Variants in SPOCK3 observed in about 807,000 individuals in gnomAD.
The protein encoded by SPOCK3 is SPARC (osteonectin), cwcv and kazal like domains proteoglycan 3.
Under a neutral mutation model 56.6 loss-of-function variants are expected in SPOCK3, and 30 were observed. The ratio of observed to expected loss-of-function variants is 0.53; its 90% CI spans 0.40 to 0.72. SPOCK3 has a LOEUF of 0.72. Among genes scored for constraint, SPOCK3 ranks in the 30% least tolerant of loss-of-function variants. The probability of loss-of-function intolerance (pLI) is 0.00; values close to 1 mark genes in which losing one functional copy is unlikely to be tolerated. For synonymous variants in SPOCK3, 196 were observed against 183.3 expected, an observed-to-expected ratio of 1.07 and a Z score of -0.56; for missense variants, 527 against 530.0, an observed-to-expected ratio of 0.99 and a Z score of 0.06.
At chr4:167,198,238 T>C (rs998226492) in intron 2 of SPOCK3, among the ~76,000 whole-genome samples, 9 of 152,150 alleles carry the variant, frequency 5.9e-5, no homozygotes, top group Non-Finnish European at 7.4e-5. Flanking sequence ...AAACTTCTTG[T>C]TGCTTAGTAT....
At chr4:166,840,765 G>A (rs1342055351) in intron 6 of SPOCK3, among the ~76,000 whole-genome samples, 3 of 111,128 alleles carry the variant, frequency 2.7e-5, no homozygotes, top group Admixed American at 1.8e-4. Flanking sequence ...CTTCCCAGAA[G>A]CAAAAGTTTT....
intron 4 of SPOCK3, among the ~76,000 whole-genome samples, chr4:166,991,279 T>A (rs1166561517): frequency 6.6e-6 from 1 of 152,074 alleles, no homozygotes; most frequent in African/African-American, 2.4e-5. Flanking sequence ...CCTCCATTAT[T>A]AAAGGCACAC....
intron 4 of SPOCK3, among the ~76,000 whole-genome samples, chr4:166,917,669 T>C (rs767647131): frequency 3.9e-5 from 6 of 152,174 alleles, no homozygotes; most frequent in Non-Finnish European, 5.9e-5. Flanking sequence ...CTCATGGTTT[T>C]ATAAGTGTTT....
intron 2 of SPOCK3, among the ~76,000 whole-genome samples, chr4:167,174,410 C>T (rs564444690): frequency 6.7e-6 from 1 of 150,084 alleles, no homozygotes; most frequent in South Asian, 2.1e-4. Context: ...GTTATACATA[C>T]ACTACAGATT....
At chr4:167,153,583 T>C (rs1037585756) in intron 2 of SPOCK3, among the ~76,000 whole-genome samples, 4 of 152,194 alleles carry the variant, frequency 2.6e-5, no homozygotes, top group African/African-American at 9.7e-5. Flanking sequence ...CAAATATAGA[T>C]CATTTTTATT....
intron 7 of SPOCK3, among the ~76,000 whole-genome samples, chr4:166,777,312 T>TTAGGTAAAATGCAA (rs1327945718): frequency 1.3e-5 from 2 of 152,180 alleles, no homozygotes; most frequent in Non-Finnish European, 2.9e-5. Context: ...CATTCCCAAG[T>TTAGGTAAAATGCAA]TAGGTAAAAT....
intron 2 of SPOCK3, among the ~76,000 whole-genome samples, chr4:167,174,148 C>T (rs1045699589): frequency 2.0e-5 from 3 of 151,940 alleles, no homozygotes; most frequent in African/African-American, 7.2e-5. Flanking sequence ...CCAAATAAAA[C>T]ATACAACTAT....
chr4:166,906,897 G>A (rs1736681651), intron 5 of SPOCK3, among the ~76,000 whole-genome samples: 1 of 151,896 alleles, frequency 6.6e-6, no homozygotes, highest in Non-Finnish European at 1.5e-5. Context: ...ATGGGCTCTG[G>A]ACTTAGCTGA....
chr4:166,854,615 A>G (rs951085417), intron 6 of SPOCK3, among the ~76,000 whole-genome samples: 1 of 152,212 alleles, frequency 6.6e-6, no homozygotes, highest in Non-Finnish European at 1.5e-5. Context: ...TTAAGAATTT[A>G]ATTACTGAAA....
chr4:166,924,017 G>C (rs1364455480), intron 4 of SPOCK3, among the ~76,000 whole-genome samples: 1 of 152,176 alleles, frequency 6.6e-6, no homozygotes, highest in African/African-American at 2.4e-5. Flanking sequence ...AAAGCTGAAA[G>C]AAAGTAGTGG....
At chr4:166,783,763 G>A (rs1426716436) in intron 7 of SPOCK3, among the ~76,000 whole-genome samples, 2 of 151,682 alleles carry the variant, frequency 1.3e-5, no homozygotes, top group Non-Finnish European at 2.9e-5. Context: ...TTTTTCTATT[G>A]GTTTTAACTA....
rs535725142 is a variant in SPOCK3 at position 167,131,809 on chromosome 4, C to T, written c.190-69272G>A. Among the ~76,000 whole-genome samples the T allele has an allele frequency of 3.3e-5, 5 of 152,164 alleles. 1 individual carries two copies. The Middle Eastern group carries it at 0.01, about 311-fold the overall frequency. ...AAAAGCTTGAATAGAATTTTTTTAA[C>T]GCTGCAAGAGAAATTATGAGAAACA... On this transcript the variant is annotated intron_variant, in intron 2 of 10. Coordinates refer to ENST00000357545, the MANE Select transcript of SPOCK3 (RefSeq NM_001040159.2).
At chr4:166,908,309 CA>C (rs1393775052) in intron 5 of SPOCK3, among the ~76,000 whole-genome samples, 6 of 139,940 alleles carry the variant, frequency 4.3e-5, no homozygotes, top group Admixed American at 7.2e-5. Flanking sequence ...CACACACACA[CA>C]CCCCTACCTT....
rs1482458459 is a variant in SPOCK3 at position 166,754,725 on chromosome 4, G to T, written c.714C>A (p.Phe238Leu). 7 of 1,612,652 alleles carry T rather than the reference G, an allele frequency of 4.3e-6. No individual in the cohort carries two copies. The highest frequency in any genetic ancestry group is 5.9e-6 in the Non-Finnish European group (7 of 1,179,314). ...TGCAAATTGGCAAGATGCTGGTATCGAATCCTAAAGGCAAAAAAAAGAAAA... is the reference window on the plus strand; with the variant it reads ...TGCAAATTGGCAAGATGCTGGTATCTAATCCTAAAGGCAAAAAAAAGAAAA... Reference protein sequence around the residue: ...KTLLRPERSRFDTSILPICKD... With the variant: ...KTLLRPERSRLDTSILPICKD... The change falls in exon 8 of 11, where the codon TTC becomes TTA. Residue 238 changes from phenylalanine (F) to leucine (L), a missense_variant. Coordinates refer to ENST00000357545, the MANE Select transcript of SPOCK3 (RefSeq NM_001040159.2).
At chr4:166,956,121 C>T (rs1743432974) in intron 4 of SPOCK3, among the ~76,000 whole-genome samples, 1 of 152,050 alleles carries the variant, frequency 6.6e-6, no homozygotes, top group African/African-American at 2.4e-5. Flanking sequence ...TATGGTTATA[C>T]ATTAGTTCAG....
At chr4:167,070,989 C>A (rs1293040222) in intron 2 of SPOCK3, among the ~76,000 whole-genome samples, 1 of 151,842 alleles carries the variant, frequency 6.6e-6, no homozygotes, top group African/African-American at 2.4e-5. Context: ...TTATTTTTTA[C>A]AGAGCATTTT....
chr4:166,955,951 A>G (rs981556617), intron 4 of SPOCK3, among the ~76,000 whole-genome samples: 4 of 151,944 alleles, frequency 2.6e-5, no homozygotes, highest in African/African-American at 9.7e-5. Flanking sequence ...ACAGTCCTCT[A>G]TAGACCCCAT....
At chr4:167,196,819 C>CAT (rs1490133211) in intron 2 of SPOCK3, among the ~76,000 whole-genome samples, 4 of 152,162 alleles carry the variant, frequency 2.6e-5, no homozygotes, top group African/African-American at 9.7e-5. Flanking sequence ...CAGGCCCTCT[C>CAT]ATATACTGGC....
chr4:167,045,077 T>C (rs1003578870), intron 3 of SPOCK3, among the ~76,000 whole-genome samples: 2 of 152,182 alleles, frequency 1.3e-5, no homozygotes, highest in African/African-American at 4.8e-5. Context: ...TTGCCTCACA[T>C]ATTTTGTTCT....
Sources: gnomAD v4.1 joint callset for allele counts (sites outside exome capture counted in the v4.1 genomes callset) on GRCh38, gnomAD v4.1.1 for gene constraint, MANE v1.5 for transcripts, NCBI Gene and HGNC (gene_info 2026-07-23, HGNC 2026-07-21) for gene names.